AFG3L2: variants seen among roughly 807,000 people sequenced by gnomAD.
The protein encoded by AFG3L2 is mitochondrial inner membrane m-AAA protease component AFG3L2.
In AFG3L2, 54 loss-of-function variants were observed where a neutral mutation model predicts 94.5. That is an observed-to-expected ratio of 0.57 (90% confidence interval 0.46 to 0.72). The LOEUF is 0.72. Ranked by LOEUF, AFG3L2 falls within the 30% of genes least tolerant of loss-of-function variation. The probability of loss-of-function intolerance (pLI) is 0.00; values close to 1 mark genes in which losing one functional copy is unlikely to be tolerated. For missense variants in AFG3L2, 754 were observed against 994.9 expected, an observed-to-expected ratio of 0.76 and a Z score of 3.26; for synonymous variants, 377 against 365.5, an observed-to-expected ratio of 1.03 and a Z score of -0.36.
At chr18:12,344,436 AG>A (rs1474880259) in intron 13 of AFG3L2, 189 bp from the exon 14 acceptor site, 1 of 580,558 alleles carries the variant, frequency 1.7e-6, no homozygotes, top group Non-Finnish European at 3.2e-6. Context: ...GCACTTTGGG[AG>A]GCTGAGGTGG....
Position 12,371,661 on chromosome 18 carries a change from C to T in AFG3L2, c.145G>A (p.Ala49Thr). The T allele has an allele frequency of 2.5e-6, 4 of 1,614,088 alleles. No individual in the cohort carries two copies. The highest frequency in any genetic ancestry group is 2.7e-5 in the African/African-American group (2 of 75,064). The change falls in exon 2 of 17, where the codon GCC becomes ACC. Residue 49 changes from alanine (A) to threonine (T), a missense_variant. By Grantham distance (58) the Ala-to-Thr change is moderately conservative. Around this residue, in one of 4 missense-constraint regions of AFG3L2, gnomAD observed 236 missense variants for 214.0 expected, o/e 1.10. Transcript: ENST00000269143. The part of the protein sequence containing the change: ...LYRFVTTQAR[A>T]SRNSLLTDII... ...TCTGTCAAAAGAGAATTTCTGCTGG[C>T]CCTTGCTTGAGTTGTAACAAATCGG... is the stretch of plus-strand genomic sequence containing the variant.
intron 16 of AFG3L2, among the ~76,000 whole-genome samples, chr18:12,334,945 T>C (rs985516676): frequency 4.6e-5 from 7 of 152,178 alleles, no homozygotes; most frequent in Non-Finnish European, 8.8e-5. Context: ...CTGGGACTTA[T>C]GAAAGGAAAA....
chr18:12,353,070 C>T lies in AFG3L2; in HGVS notation c.1253G>A (p.Arg418Lys), dbSNP rs775691919. 1.9e-6 allele frequency: 3 copies of T among 1,614,138 alleles called. No individual in the cohort carries two copies. The highest frequency in any genetic ancestry group is 1.7e-6 in the Non-Finnish European group (2 of 1,180,028). ...EIDAVGRKRG[R>K]GNFGGQSEQE... ...CTCACTCTGCCCTCCAAAGTTGCCTCTTCCTCTCTTCCTTCCCACCGCATC... is the reference window on the plus strand; with the variant it reads ...CTCACTCTGCCCTCCAAAGTTGCCTTTTCCTCTCTTCCTTCCCACCGCATC... The change falls in exon 10 of 17, where the codon AGA becomes AAA. Residue 418 changes from arginine (R) to lysine (K), a missense_variant. Arg to Lys is a conservative substitution (Grantham distance 26, BLOSUM62 2). Transcript: ENST00000269143.
chr18:12,353,238 G>A (rs536281091), intron 9 of AFG3L2, 80 bp from the exon 10 acceptor site: 4 of 1,544,736 alleles, frequency 2.6e-6, no homozygotes, highest in Non-Finnish European at 3.5e-6. Context: ...AAATCGGCCG[G>A]GCACAGTGGC....
intron 15 of AFG3L2, 110 bp downstream of exon 15, chr18:12,340,091 G>T: frequency 9.6e-7 from 1 of 1,041,416 alleles, no homozygotes; most frequent in Non-Finnish European, 1.5e-6. Flanking sequence ...TGCCTAAAAA[G>T]CCTAAAACAG....
At chr18:12,373,253 A>T (rs1331572922) in intron 1 of AFG3L2, among the ~76,000 whole-genome samples, 1 of 152,186 alleles carries the variant, frequency 6.6e-6, no homozygotes, top group Non-Finnish European at 1.5e-5. Context: ...AACAGATAAG[A>T]ATGCAACATA....
chr18:12,361,292 G>A (rs1447076185), intron 6 of AFG3L2, among the ~76,000 whole-genome samples: 1 of 152,036 alleles, frequency 6.6e-6, no homozygotes, highest in East Asian at 1.9e-4. Flanking sequence ...GGCACAGGTT[G>A]CAGTGAGCCA....
chr18:12,362,134 C>T (rs1240341436), intron 6 of AFG3L2, among the ~76,000 whole-genome samples: 1 of 152,338 alleles, frequency 6.6e-6, no homozygotes, highest in African/African-American at 2.4e-5. Context: ...TTGAAAACCA[C>T]GACTGACTCA....
chr18:12,352,442 G>A (rs1243919789), intron 10 of AFG3L2, among the ~76,000 whole-genome samples: 1 of 152,170 alleles, frequency 6.6e-6, no homozygotes, highest in Non-Finnish European at 1.5e-5. Context: ...ATCCTGAGAA[G>A]TGGCTTTCCT....
Position 12,348,253 on chromosome 18 carries a change from G to A in AFG3L2, c.1663+20C>T. On this transcript the variant is annotated intron_variant, in intron 13 of 16. Transcript: ENST00000269143. ...TCATTTTATCAGCCTTTCCACTTGA[G>A]TTATGTTCAGTTTCCTTACCACCAA... The A allele has an allele frequency of 6.3e-7, 1 of 1,583,048 alleles. No homozygotes were observed. Among genetic ancestry groups the A allele is most frequent in the Non-Finnish European group, 8.7e-7 (1 of 1,151,656 alleles).
chr18:12,366,929 G>A (rs557627427), intron 5 of AFG3L2, 36 bp downstream of exon 5: 1 of 1,612,316 alleles, frequency 6.2e-7, no homozygotes, highest in East Asian at 2.2e-5. Flanking sequence ...TTTCACCTTT[G>A]AACCACAACA....
At chr18:12,357,925 G>A (rs1299813477) in intron 8 of AFG3L2, among the ~76,000 whole-genome samples, 1 of 152,172 alleles carries the variant, frequency 6.6e-6, no homozygotes, top group Admixed American at 6.5e-5. Context: ...TTAAGTTGTA[G>A]AGACAGTTAG....
At chr18:12,344,045 G>T in intron 14 of AFG3L2, 87 bp downstream of exon 14, 1 of 1,178,602 alleles carries the variant, frequency 8.5e-7, no homozygotes, top group Non-Finnish European at 1.3e-6. Context: ...TTTCTCCTTT[G>T]CAGGAGTGTA....
Position 12,353,112 on chromosome 18 carries a change from A to G in AFG3L2, c.1211T>C (p.Leu404Pro), listed in dbSNP as rs148282611. ...CACCGCATCGATTTCATCGATGAAG[A>G]GGATGCAAGGGGCATTCTTCCGAGC... Reference protein sequence around the residue: ...ALARKNAPCILFIDEIDAVGR... With the variant: ...ALARKNAPCIPFIDEIDAVGR... The change falls in exon 10 of 17, where the codon CTC becomes CCC. Residue 404 changes from leucine (L) to proline (P), a missense_variant. Coordinates refer to ENST00000269143, the MANE Select transcript of AFG3L2 (RefSeq NM_006796.3). The G allele has an allele frequency of 3.7e-6, 6 of 1,614,216 alleles. No individual in the cohort carries two copies. The highest frequency in any genetic ancestry group is 2.2e-5 in the South Asian group (2 of 91,092).
At chr18:12,371,311 T>G (rs867164765) in intron 2 of AFG3L2, among the ~76,000 whole-genome samples, 12 of 133,644 alleles carry the variant, frequency 9.0e-5, no homozygotes, top group African/African-American at 3.2e-4. Flanking sequence ...CCAAACTCAG[T>G]CTCCAAAAAA....
chr18:12,363,731 C>G (rs368251509), intron 6 of AFG3L2, 51 bp downstream of exon 6: 35 of 1,470,054 alleles, frequency 2.4e-5, no homozygotes, highest in Non-Finnish European at 3.2e-5. Flanking sequence ...AGCTTTAAAT[C>G]TGAAAAAGTT....
At chr18:12,371,748 A>T in intron 1 of AFG3L2, 57 bp from the exon 2 acceptor site, 1 of 1,411,922 alleles carries the variant, frequency 7.1e-7, no homozygotes, top group Admixed American at 1.8e-5. Context: ...AACTTAAAAG[A>T]GCTTCATTTC....
chr18:12,373,597 G>A (rs1171766647), intron 1 of AFG3L2, among the ~76,000 whole-genome samples: 1 of 152,166 alleles, frequency 6.6e-6, no homozygotes. Flanking sequence ...CTGAAGCTGG[G>A]TAATTTACAA....
chr18:12,354,202 A>T (rs1908420421), intron 9 of AFG3L2, among the ~76,000 whole-genome samples: 1 of 134,694 alleles, frequency 7.4e-6, no homozygotes, highest in Non-Finnish European at 1.5e-5. Flanking sequence ...GTTCATTCCT[A>T]CACTGCTCTG....
Sources: gnomAD v4.1 joint callset for allele counts (sites outside exome capture counted in the v4.1 genomes callset) on GRCh38, gnomAD v4.1.1 for gene constraint, gnomAD v4.1.1 regional missense constraint, MANE v1.5 for transcripts, NCBI Gene and HGNC (gene_info 2026-07-23, HGNC 2026-07-21) for gene names.